The following PCDHA10 variants were observed in gnomAD, a reference collection of about 807,000 sequenced individuals.
The protein encoded by PCDHA10 is protocadherin alpha-10.
A neutral mutation model predicts 61.2 loss-of-function variants in PCDHA10; 45 were observed. The ratio of observed to expected loss-of-function variants is 0.74; its 90% CI spans 0.58 to 0.94. The LOEUF is 0.94. PCDHA10 is among the 40% of genes least tolerant of loss of function. The pLI, the probability that PCDHA10 is intolerant of heterozygous loss-of-function variation, is 0.00. For missense variants in PCDHA10, 1,278 were observed against 1,236.2 expected, an observed-to-expected ratio of 1.03 and a Z score of -0.51; for synonymous variants, 602 against 548.8, an observed-to-expected ratio of 1.10 and a Z score of -1.35.
In PCDHA10 at chr5:140,856,441, G is replaced by C; in HGVS notation, c.393G>C (p.Arg131Ser). The C allele has an allele frequency of 6.3e-7, 1 of 1,598,410 alleles. No individual in the cohort carries two copies. The change falls in exon 1 of 4, where the codon AGG becomes AGC. Residue 131 changes from arginine to serine, a missense_variant. Coordinates refer to ENST00000307360, the MANE Select transcript of PCDHA10 (RefSeq NM_018901.4). ...EVKDINDNPP[R>S]FSVTEQKLSI... ...AGGACATTAACGACAACCCGCCCAG[G>C]TTCTCCGTAACAGAACAAAAGCTCT...
chr5:140,969,400 T>C (rs782765994), intron 1 of PCDHA10: 2 of 1,580,682 alleles, frequency 1.3e-6, no homozygotes, highest in South Asian at 2.3e-5. Flanking sequence ...TATCCTGTGA[T>C]TTGGCTTTAT....
chr5:140,924,437 T>A (rs2081836231), intron 1 of PCDHA10, among the ~76,000 whole-genome samples: 1 of 152,206 alleles, frequency 6.6e-6, no homozygotes, highest in Admixed American at 6.5e-5. Flanking sequence ...CTAGAAGAGA[T>A]AACGAATGGG....
intron 1 of PCDHA10, among the ~76,000 whole-genome samples, chr5:140,907,623 G>T (rs553186767): frequency 6.6e-6 from 1 of 152,352 alleles, no homozygotes; most frequent in East Asian, 1.9e-4. Context: ...AGGGCTCAGT[G>T]TTGGTCTCTG....
At chr5:140,919,488 T>C (rs149191060) in intron 1 of PCDHA10, among the ~76,000 whole-genome samples, 58 of 152,320 alleles carry the variant, frequency 3.8e-4, no homozygotes, top group African/African-American at 1.3e-3. Context: ...TTTATGTTTG[T>C]TATTTTACTC....
intron 1 of PCDHA10, among the ~76,000 whole-genome samples, chr5:140,926,017 G>C (rs1222079500): frequency 2.0e-5 from 3 of 152,050 alleles, no homozygotes; most frequent in African/African-American, 7.2e-5. Context: ...GCCAGAGTCC[G>C]GAGGCAGTTT....
chr5:140,901,268 T>C (rs185427298), intron 1 of PCDHA10, among the ~76,000 whole-genome samples: 57 of 152,328 alleles, frequency 3.7e-4, no homozygotes, highest in African/African-American at 1.3e-3. Context: ...TGTGGGGTAT[T>C]ACTCAAGAAA....
At chr5:140,865,351 A>G (rs1452149063) in intron 1 of PCDHA10, 4 of 152,204 alleles carry the variant, frequency 2.6e-5, no homozygotes, top group African/African-American at 7.2e-5. Context: ...GTATATTTAC[A>G]TATTGCAGGA....
intron 1 of PCDHA10, among the ~76,000 whole-genome samples, chr5:140,931,548 G>C (rs2087590460): frequency 6.6e-6 from 1 of 151,968 alleles, no homozygotes; most frequent in African/African-American, 2.4e-5. Flanking sequence ...CTGTTCATAT[G>C]TGCAGGAATA....
At chr5:140,989,109 A>C (rs2097330096) in intron 3 of PCDHA10, 2 of 152,240 alleles carry the variant, frequency 1.3e-5, no homozygotes, top group African/African-American at 4.8e-5. Context: ...CAACTTTTGA[A>C]TATATCTTAG....
At chr5:140,875,636 A>G (rs574545388) in intron 1 of PCDHA10, 3 of 1,613,606 alleles carry the variant, frequency 1.9e-6, no homozygotes, top group African/African-American at 1.3e-5. Context: ...CTGGGGCTGG[A>G]GCTGGCGGAG....
At chr5:140,911,663 T>G (rs2075591717) in intron 1 of PCDHA10, among the ~76,000 whole-genome samples, 1 of 152,206 alleles carries the variant, frequency 6.6e-6, no homozygotes, top group Non-Finnish European at 1.5e-5. Context: ...CTAAACTCCT[T>G]GCCTCTCACG....
chr5:140,953,963 G>A lies in PCDHA10; in HGVS notation c.2389-24986G>A, dbSNP rs193094168. ...CATTGCTCCCCCAACAGGCCCCAGT[G>A]TGTGTTGTTCCCCTTCATATTTTCA... On this transcript the variant is annotated intron_variant, in intron 1 of 3. Transcript: ENST00000307360. Among the ~76,000 whole-genome samples the A allele has an allele frequency of 2.1e-3, 322 of 152,136 alleles. 11 individuals carry two copies. Among genetic ancestry groups the A allele is most frequent in the Admixed American group, 0.021 (314 of 15,274 alleles).
intron 1 of PCDHA10, among the ~76,000 whole-genome samples, chr5:140,963,912 A>C (rs2095797972): frequency 6.6e-6 from 1 of 152,246 alleles, no homozygotes. Flanking sequence ...AGTGAAGCTT[A>C]GGCTAAGTAA....
At chr5:140,948,305 T>C (rs1554218512) in intron 1 of PCDHA10, among the ~76,000 whole-genome samples, 1 of 151,622 alleles carries the variant, frequency 6.6e-6, no homozygotes, top group African/African-American at 2.4e-5. Context: ...ATATCTTTTC[T>C]TCTTGAGGGG....
At chr5:140,945,142 A>G (rs2093746990) in intron 1 of PCDHA10, among the ~76,000 whole-genome samples, 1 of 152,184 alleles carries the variant, frequency 6.6e-6, no homozygotes. Context: ...AATCAATAGC[A>G]TTTCTATACA....
rs1554202548 is a variant in PCDHA10, at chr5:140,925,108, G to GGAA, written c.2389-53840_2389-53839insAAG. 5.0e-3 allele frequency among the ~76,000 whole-genome samples: 619 copies of GGAA among 124,770 alleles called. 3 individuals are homozygous for GGAA. Among genetic ancestry groups the GGAA allele is most frequent in the African/African-American group, 0.02 (595 of 30,200 alleles). The allele number at this position is 124,770 out of a possible 152,430, so 81.9% of individuals were successfully genotyped here. ...AAGGAAGGAAGGAAGGAAGGAAGGA[G>GGAA]GGAAGGAAGGAAGGAAAAAAAATTT... is the stretch of plus-strand genomic sequence containing the variant. On this transcript the variant is annotated intron_variant, in intron 1 of 3. Coordinates refer to ENST00000307360, the MANE Select transcript of PCDHA10 (RefSeq NM_018901.4).
intron 1 of PCDHA10, among the ~76,000 whole-genome samples, chr5:140,963,550 A>G (rs1484541648): frequency 6.6e-6 from 1 of 152,202 alleles, no homozygotes; most frequent in Non-Finnish European, 1.5e-5. Context: ...TGATATAAAA[A>G]GGGGCTGTTT....
Position 140,856,524 on chromosome 5 carries a change from C to G in PCDHA10, c.476C>G (p.Ala159Gly). 6.3e-7 allele frequency: 1 copy of G among 1,598,296 alleles called. No individual in the cohort carries two copies. The highest frequency in any genetic ancestry group is 8.6e-7 in the Non-Finnish European group (1 of 1,167,830). Residue 159 changes from alanine (A) to glycine (G), a missense_variant, in exon 1 of 4, where the codon GCG (alanine) becomes GGG (glycine). Physicochemically the swap from Ala to Gly is moderately conservative, Grantham distance 60. Coordinates refer to ENST00000307360, the MANE Select transcript of PCDHA10 (RefSeq NM_018901.4). Reference sequence around the variant, plus strand: ...TTTCCACTAGAAGGCGCATCTGATGCGGATGTTGGAGAGAACGCATTGCTT... The same window carrying G: ...TTTCCACTAGAAGGCGCATCTGATGGGGATGTTGGAGAGAACGCATTGCTT... ...SRFPLEGASD[A>G]DVGENALLTY...
intron 1 of PCDHA10, among the ~76,000 whole-genome samples, chr5:140,901,420 C>G (rs2153473414): frequency 6.6e-6 from 1 of 152,248 alleles, no homozygotes; most frequent in East Asian, 1.9e-4. Context: ...TAGTTTCATT[C>G]CTCTGCATAT....
Sources: allele counts gnomAD v4.1 joint callset (sites outside exome capture counted in the v4.1 genomes callset), GRCh38; gene constraint gnomAD v4.1.1; transcripts MANE v1.5; gene names NCBI Gene and HGNC (gene_info 2026-07-23, HGNC 2026-07-21).